The following HTATSF1 variants were observed in gnomAD, a reference collection of about 807,000 sequenced individuals.
HTATSF1 encodes the protein 17S U2 SnRNP complex component HTATSF1.
HTATSF1 carries 6 observed loss-of-function variants against 46.1 expected under a neutral mutation model. That is an observed-to-expected ratio of 0.13 (90% confidence interval 0.07 to 0.26). The LOEUF (loss-of-function observed/expected upper bound fraction) is 0.26, where lower values mean the gene tolerates loss of function less well. HTATSF1 is among the 10% of genes least tolerant of loss of function. HTATSF1 has a pLI of 1.00. For missense variants in HTATSF1, 452 were observed against 559.9 expected (o/e 0.81, Z 1.94); for synonymous variants, 226 against 211.5 (o/e 1.07, Z -0.60).
chrX:136,508,214 C>T lies in HTATSF1; in HGVS notation c.835-877C>T, dbSNP rs775525248. Among the ~76,000 whole-genome samples, 3 of 112,328 alleles carry T rather than the reference C, an allele frequency of 2.7e-5. No homozygotes were observed. The East Asian group carries it at 8.3e-4, about 31-fold the overall frequency. ...TGAAAGCGTGTAAGAAAGATAGATG[C>T]GCTTAAATGTTTCCTAGAAAGTATA... On this transcript the variant is annotated intron_variant, in intron 6 of 8. Transcript: ENST00000218364.
chrX:136,503,309 T>C (rs1268265242), intron 5 of HTATSF1, among the ~76,000 whole-genome samples: 1 of 112,377 alleles, frequency 8.9e-6, no homozygotes, highest in African/African-American at 3.2e-5. Context: ...AGGTTTGTTA[T>C]AGGAATTAGA....
In HTATSF1 at chrX:136,504,403, C is replaced by T. The variant is rs1043193362; in HGVS notation, c.774C>T (p.Ser258=). 1.7e-6 allele frequency: 2 copies of T among 1,208,923 alleles called. No homozygotes were observed. Among genetic ancestry groups the T allele is most frequent in the African/African-American group, 3.5e-5 (2 of 57,314 alleles). The change falls in exon 6 of 9, where the codon TCC becomes TCT. Residue 258 remains serine, a synonymous_variant. Coordinates refer to ENST00000218364, the MANE Select transcript of HTATSF1 (RefSeq NM_014500.5). ...DWRPERRAGP[S]RMRHERVVII... ...GACCTGAGAGGCGAGCCGGACCATC[C>T]CGGATGCGCCATGAGCGAGTTGTCA...
chrX:136,497,493 G>A (rs745476887), upstream of HTATSF1: 180 of 247,198 alleles, frequency 7.3e-4, no homozygotes, highest in African/African-American at 4.2e-3. Context: ...GCGGTGGGCG[G>A]GCAGAGAGGG....
At chrX:136,506,925 GTTCATCGC>G (rs1377706681) in intron 6 of HTATSF1, among the ~76,000 whole-genome samples, 5 of 112,617 alleles carry the variant, frequency 4.4e-5, no homozygotes, top group Non-Finnish European at 3.8e-5. Context: ...ATAAAATTCA[GTTCATCGC>G]TTCTACTAGG....
At chrX:136,502,729 G>A in intron 4 of HTATSF1, 49 bp from the exon 5 acceptor site, 1 of 850,282 alleles carries the variant, frequency 1.2e-6, no homozygotes, top group Non-Finnish European at 1.6e-6. Flanking sequence ...AACTCCTGAA[G>A]TTTTATTTCG....
In HTATSF1 at chrX:136,512,178, G is replaced by A; in HGVS notation, c.*165G>A. ...CTGTACCTAATGGTTTTAAATATAT[G>A]TTAATTGATTGTTTAGTTAAAATGT... On this transcript the variant is annotated 3_prime_UTR_variant, in exon 9 of 9. Transcript: ENST00000218364. 1 of 432,789 alleles carries A rather than the reference G, an allele frequency of 2.3e-6. No individual in the cohort carries two copies. The highest frequency in any genetic ancestry group is 3.6e-6 in the Non-Finnish European group (1 of 274,176). 35.7% of individuals were successfully genotyped at this position (432,789 alleles called of 1,213,427 possible).
In HTATSF1 at chrX:136,510,775, C is replaced by T. The variant is rs369730953; in HGVS notation, c.1063-33C>T. The T allele has an allele frequency of 7.4e-5, 86 of 1,154,518 alleles. No homozygotes were observed. The East Asian group carries it at 9.6e-4, about 13-fold the overall frequency. On this transcript the variant is annotated intron_variant, in intron 8 of 8. Coordinates refer to ENST00000218364, the MANE Select transcript of HTATSF1 (RefSeq NM_014500.5). ...CAGAGAAGTAACCTTTTGCCTGAAACTTATTTTAATGGCAGTCTCCATTTA... is the reference window on the plus strand; with the variant it reads ...CAGAGAAGTAACCTTTTGCCTGAAATTTATTTTAATGGCAGTCTCCATTTA...
chrX:136,500,125 T>G, intron 2 of HTATSF1, 33 bp from the exon 3 acceptor site: 1 of 886,077 alleles, frequency 1.1e-6, no homozygotes, highest in Non-Finnish European at 1.7e-6. Flanking sequence ...TTTTTGCAAG[T>G]GTTTTATTTA....
chrX:136,511,242 T>TA lies in HTATSF1; in HGVS notation c.1503dup (p.Glu502ArgfsTer3), dbSNP rs1374911912. 1 of 1,208,585 alleles carries TA rather than the reference T, an allele frequency of 8.3e-7. No individual in the cohort carries two copies. Among genetic ancestry groups the TA allele is most frequent in the Non-Finnish European group, 1.1e-6 (1 of 894,652 alleles). On this transcript the variant is annotated frameshift_variant, in exon 9 of 9. Transcript: ENST00000218364. LOFTEE classifies it high-confidence loss of function. ...TAAGAGGATCTGAAGAGGATAGTCC[T>TA]AAAAAAGAGTCTAAAAAGAAGACAC...
chrX:136,502,644 C>T (rs754536392), intron 4 of HTATSF1, 134 bp from the exon 5 acceptor site: 60 of 247,926 alleles, frequency 2.4e-4, no homozygotes, highest in Non-Finnish European at 3.5e-4. Context: ...AAAGAGAGAA[C>T]GAGATCTCGT....
At chrX:136,499,449 C>G (rs746578705) in intron 1 of HTATSF1, 149 bp from the exon 2 acceptor site, 171 of 378,798 alleles carry the variant, frequency 4.5e-4, no homozygotes, top group African/African-American at 4.2e-3. Context: ...ACTATTCTTG[C>G]ATTTATACCT....
At chrX:136,501,167 GA>G (rs1167504683) in intron 4 of HTATSF1, among the ~76,000 whole-genome samples, 6 of 111,956 alleles carry the variant, frequency 5.4e-5, no homozygotes, top group Non-Finnish European at 1.1e-4. Context: ...TTGTCCATTG[GA>G]ATGAATTACA....
chrX:136,500,583 T>C (rs2075713668), intron 3 of HTATSF1, 81 bp from the exon 4 acceptor site: 3 of 647,015 alleles, frequency 4.6e-6, no homozygotes, highest in Non-Finnish European at 6.9e-6. Context: ...ACCTAAGTTA[T>C]AGATTTCTAA....
At position 136,497,758 on chromosome X, in the gene HTATSF1, G is replaced by A. The variant is rs767501589; in HGVS notation, c.74G>A (p.Gly25Asp). The change falls in exon 1 of 9, where the codon GGC (glycine) becomes GAC (aspartate). Residue 25 changes from glycine to aspartate, a missense_variant. Coordinates refer to ENST00000218364, the MANE Select transcript of HTATSF1 (RefSeq NM_014500.5). Reference protein sequence around the residue: ...QLRMQELYGDGKDGDTQTDAG... With the variant: ...QLRMQELYGDDKDGDTQTDAG... Reference sequence around the variant, plus strand: ...CGAATGCAAGAATTGTACGGAGACGGCAAGGATGGTGACACCCAGACCGAT... The same window carrying A: ...CGAATGCAAGAATTGTACGGAGACGACAAGGATGGTGACACCCAGACCGAT... 1.7e-6 allele frequency: 2 copies of A among 1,206,601 alleles called. No homozygotes were observed. The highest frequency in any genetic ancestry group is 2.2e-6 in the Non-Finnish European group (2 of 891,447).
At chrX:136,507,249 A>G (rs1179894195) in intron 6 of HTATSF1, among the ~76,000 whole-genome samples, 2 of 112,033 alleles carry the variant, frequency 1.8e-5, no homozygotes, top group Non-Finnish European at 3.8e-5. Flanking sequence ...TTTTGATTCC[A>G]AACAGTTAGA....
At chrX:136,506,535 T>C (rs2075743072) in intron 6 of HTATSF1, among the ~76,000 whole-genome samples, 1 of 112,457 alleles carries the variant, frequency 8.9e-6, no homozygotes, top group East Asian at 2.8e-4. Flanking sequence ...ATTGAAAGAA[T>C]TGCTAAATGA....
rs1290697968 is a variant in HTATSF1, at chrX:136,504,520, G to A, written c.834+57G>A. 19 of 912,119 alleles carry A rather than the reference G, an allele frequency of 2.1e-5. No homozygotes were observed. The East Asian group carries it at 5.8e-4, about 28-fold the overall frequency. The allele number at this position is 912,119 out of a possible 1,213,427, so 75.2% of individuals were successfully genotyped here. A position where few individuals can be genotyped will look rare whatever the true frequency, so the allele number is the denominator to read the frequency against. ...CTGATAGGCTTTTTTTCTCTCAAGG[G>A]AGCCTGGAGCTTGCCTCGCCTCATC... On this transcript the variant is annotated intron_variant, in intron 6 of 8. Transcript: ENST00000218364.
At chrX:136,508,420 C>T (rs1378689217) in intron 6 of HTATSF1, among the ~76,000 whole-genome samples, 1 of 111,943 alleles carries the variant, frequency 8.9e-6, no homozygotes, top group African/African-American at 3.2e-5. Context: ...GATTTCCACC[C>T]GAACTCTAGG....
chrX:136,505,861 A>G (rs754259441), intron 6 of HTATSF1, among the ~76,000 whole-genome samples: 48 of 112,374 alleles, frequency 4.3e-4, no homozygotes, highest in African/African-American at 1.5e-3. Flanking sequence ...AAATGCACAG[A>G]TTGATCACAA....
Sources: gnomAD v4.1 joint callset for allele counts (sites outside exome capture counted in the v4.1 genomes callset) on GRCh38, gnomAD v4.1.1 for gene constraint, MANE v1.5 for transcripts, NCBI Gene and HGNC (gene_info 2026-07-23, HGNC 2026-07-21) for gene names.